Variants in TRMT6 observed in about 807,000 individuals in gnomAD.
TRMT6 encodes the protein tRNA methyltransferase 6 non-catalytic subunit.
Under a neutral mutation model 59.0 loss-of-function variants are expected in TRMT6, and 34 were observed. The ratio of observed to expected loss-of-function variants is 0.58; its 90% CI spans 0.44 to 0.77. The LOEUF is 0.77. Ranked by LOEUF, TRMT6 falls within the 30% of genes least tolerant of loss-of-function variation. The pLI, the probability that TRMT6 is intolerant of heterozygous loss-of-function variation, is 0.00. For missense variants in TRMT6, 575 were observed against 604.5 expected (o/e 0.95, Z 0.51); for synonymous variants, 217 against 210.5 (o/e 1.03, Z -0.27).
At chr20:5,944,300 A>T (rs111352845) in intron 3 of TRMT6, 47 bp from the exon 4 acceptor site, 2 of 1,199,024 alleles carry the variant, frequency 1.7e-6, no homozygotes, top group African/African-American at 1.6e-5. Context: ...TACTTTCACA[A>T]AACAAGTAAT....
Position 5,944,904 on chromosome 20 carries a change from T to C in TRMT6, c.267A>G (p.Glu89=). 6.2e-7 allele frequency: 1 copy of C among 1,611,948 alleles called. No individual in the cohort carries two copies. Reference sequence around the variant, plus strand: ...CTATATTTCGATTATCAGTGCCCGCTTCTTTAGTCTCTAAGGAAAGAAATT... The same window carrying C: ...CTATATTTCGATTATCAGTGCCCGCCTCTTTAGTCTCTAAGGAAAGAAATT... ...KREEPTAETK[E]AGTDNRNIVD... Residue 89 remains glutamate, a synonymous_variant, in exon 3 of 11, where the codon GAA becomes GAG. Coordinates refer to ENST00000203001, the MANE Select transcript of TRMT6 (RefSeq NM_015939.5).
At chr20:5,947,163 G>C (rs2088714963) in intron 1 of TRMT6, among the ~76,000 whole-genome samples, 1 of 152,222 alleles carries the variant, frequency 6.6e-6, no homozygotes, top group Admixed American at 6.5e-5. Flanking sequence ...TCTTGTCCAA[G>C]ATTCACAGTT....
chr20:5,937,754 AAATAT>A lies in TRMT6; in HGVS notation c.*776_*780del, dbSNP rs2088619961. ...TGTATGTATATATCTGTGTATATAT[AAATAT>A]ATGTGTGTATATATACCAACATCTA... On this transcript the variant is annotated 3_prime_UTR_variant, in exon 11 of 11. Transcript: ENST00000203001. The A allele has an allele frequency of 6.6e-6, 1 of 152,236 alleles. No homozygotes were observed. The highest frequency in any genetic ancestry group is 2.4e-5 in the African/African-American group (1 of 41,464). The allele number at this position is 152,236 out of a possible 1,614,324, so 9.4% of individuals were successfully genotyped here.
At chr20:5,944,071 A>T in intron 4 of TRMT6, 40 bp from the exon 5 acceptor site, 2 of 1,464,004 alleles carry the variant, frequency 1.4e-6, no homozygotes, top group Non-Finnish European at 1.8e-6. Context: ...TAAAAAAATG[A>T]CTTAAAATAT....
rs758388588 is a variant in TRMT6, at chr20:5,938,595, T to C, written c.1434A>G (p.Glu478=). 5.6e-6 allele frequency: 9 copies of C among 1,614,260 alleles called. No homozygotes were observed. The Admixed American group carries it at 1.0e-4, about 18-fold the overall frequency. ...CTGCAGGCTCCTCAGTCTCGTGTGA[T>C]TCTAAAGTGCTTGCATTAGATTTGA... ...TSLKSNASTL[E]SHETEEPAAK... is the part of the protein sequence containing the mutation. The change falls in exon 11 of 11, where the codon GAA becomes GAG. Residue 478 remains glutamate, a synonymous_variant. Transcript: ENST00000203001.
At chr20:5,941,529 G>A (rs962858572) in intron 8 of TRMT6, 184 bp from the exon 9 acceptor site, 7 of 594,302 alleles carry the variant, frequency 1.2e-5, no homozygotes, top group Admixed American at 3.0e-5. Context: ...TAGGAAACGC[G>A]AACTAGGTTA....
At position 5,944,183 on chromosome 20, in the gene TRMT6, T is replaced by C; in HGVS notation, c.437A>G (p.Tyr146Cys). The change falls in exon 4 of 11, where the codon TAT becomes TGT. Residue 146 changes from tyrosine (Y) to cysteine (C), a missense_variant. Coordinates refer to ENST00000203001, the MANE Select transcript of TRMT6 (RefSeq NM_015939.5). Reference sequence around the variant, plus strand: ...TTACTTTTTTTTCTTCTTTTTAATATATTTATCTTGGGCAAATTCTGTCTT... The same window carrying C: ...TTACTTTTTTTTCTTCTTTTTAATACATTTATCTTGGGCAAATTCTGTCTT... ...RDKTEFAQDK[Y>C]IKKKKKKYEA... is the part of the protein sequence containing the mutation. 6.4e-7 allele frequency: 1 copy of C among 1,550,780 alleles called. No individual in the cohort carries two copies. Among genetic ancestry groups the C allele is most frequent in the Non-Finnish European group, 8.7e-7 (1 of 1,144,984 alleles).
chr20:5,944,170 CT>C lies in TRMT6; in HGVS notation c.449del (p.Lys150ArgfsTer12). On this transcript the variant is annotated frameshift_variant, in exon 4 of 11. Transcript: ENST00000203001. LOFTEE classifies it high-confidence loss of function. The part of the protein sequence containing the change: ...EFAQDKYIKK[K>X]KKKYEAIITV... ...AAATAAAAACTACTTACTTTTTTTT[CT>C]TCTTTTTAATATATTTATCTTGGGC... 1 of 1,498,952 alleles carries C rather than the reference CT, an allele frequency of 6.7e-7. No individual in the cohort carries two copies. The highest frequency in any genetic ancestry group is 9.0e-7 in the Non-Finnish European group (1 of 1,113,770). The allele number at this position is 1,498,952 out of a possible 1,614,324, so 92.9% of individuals were successfully genotyped here.
chr20:5,949,947 T>C (rs1308843962), intron 1 of TRMT6, among the ~76,000 whole-genome samples: 4 of 151,860 alleles, frequency 2.6e-5, no homozygotes, highest in East Asian at 3.9e-4. Flanking sequence ...GAGGGAGGCA[T>C]TGGCACCCTA....
chr20:5,949,392 G>C (rs944820754), intron 1 of TRMT6, among the ~76,000 whole-genome samples: 7 of 152,036 alleles, frequency 4.6e-5, no homozygotes, highest in Non-Finnish European at 8.8e-5. Flanking sequence ...GTATTTCTCA[G>C]ATAAATTAAT....
chr20:5,941,227 T>G lies in TRMT6; in HGVS notation c.1215+16A>C, dbSNP rs1337552658. On this transcript the variant is annotated intron_variant, in intron 9 of 10. Coordinates refer to ENST00000203001, the MANE Select transcript of TRMT6 (RefSeq NM_015939.5). ...TTCAGACATAAGAATTCCTGCCCATTCCATTCCAGTATTACCTCTTTGTAC... is the reference window on the plus strand; with the variant it reads ...TTCAGACATAAGAATTCCTGCCCATGCCATTCCAGTATTACCTCTTTGTAC... 2 of 1,611,158 alleles carry G rather than the reference T, an allele frequency of 1.2e-6. No homozygotes were observed. Among genetic ancestry groups the G allele is most frequent in the Non-Finnish European group, 1.7e-6 (2 of 1,177,406 alleles).
Position 5,942,778 on chromosome 20 carries a change from A to G in TRMT6, c.676T>C (p.Ser226Pro). Reference protein sequence around the residue: ...AMMERMGGFGSIIQLYPGGGP... With the variant: ...AMMERMGGFGPIIQLYPGGGP... ...CCTCCAGGGTATAGCTGAATAATGG[A>G]GCCAAAACCTGAACAGATAAAAGAA... The change falls in exon 7 of 11, where the codon TCC becomes CCC. Residue 226 changes from serine (S) to proline (P), a missense_variant. By Grantham distance (74) the Ser-to-Pro change is moderately conservative. Transcript: ENST00000203001. 1 of 1,611,994 alleles carries G rather than the reference A, an allele frequency of 6.2e-7. No homozygotes were observed. Among genetic ancestry groups the G allele is most frequent in the Non-Finnish European group, 8.5e-7 (1 of 1,179,112 alleles).
At chr20:5,948,703 G>C (rs1263657470) in intron 1 of TRMT6, among the ~76,000 whole-genome samples, 1 of 151,544 alleles carries the variant, frequency 6.6e-6, no homozygotes, top group Non-Finnish European at 1.5e-5. Context: ...GTTTAAAAAA[G>C]AAAAAAAAGA....
rs1445104213 is a variant in TRMT6 at position 5,938,133 on chromosome 20, T to C, written c.*402A>G. On this transcript the variant is annotated 3_prime_UTR_variant, in exon 11 of 11. Transcript: ENST00000203001. ...ATTGCTTAGGTTGAAGAGAACGGAA[T>C]GAACAGAGGAAATTTCTTCCATGAA... is the stretch of plus-strand genomic sequence containing the variant. 6.3e-6 allele frequency: 1 copy of C among 158,800 alleles called. No individual in the cohort carries two copies. Among genetic ancestry groups the C allele is most frequent in the Non-Finnish European group, 1.4e-5 (1 of 72,272 alleles). 9.8% of individuals were successfully genotyped at this position (158,800 alleles called of 1,614,324 possible).
At chr20:5,940,429 T>C (rs2088645914) in intron 10 of TRMT6, among the ~76,000 whole-genome samples, 2 of 152,190 alleles carry the variant, frequency 1.3e-5, no homozygotes, top group African/African-American at 2.4e-5. Flanking sequence ...TCCACAGTGA[T>C]ACTGAGGCCT....
rs762658005 is a variant in TRMT6, at chr20:5,941,158, T to C, written c.1216-19A>G. On this transcript the variant is annotated intron_variant, in intron 9 of 10. Coordinates refer to ENST00000203001, the MANE Select transcript of TRMT6 (RefSeq NM_015939.5). ...ACAGAGGCTGCAGACAACAACAGAA[T>C]TCTGTTAAGAACTACTTCCTGGGAT... 3 of 1,612,818 alleles carry C rather than the reference T, an allele frequency of 1.9e-6. No homozygotes were observed. The Admixed American group carries it at 5.0e-5, about 27-fold the overall frequency.
rs1184787406 is a variant in TRMT6 at position 5,946,412 on chromosome 20, T to G, written c.250A>C (p.Thr84Pro). 1 of 1,614,008 alleles carries G rather than the reference T, an allele frequency of 6.2e-7. No homozygotes were observed. Among genetic ancestry groups the G allele is most frequent in the African/African-American group, 1.3e-5 (1 of 74,926 alleles). The change falls in exon 2 of 11, where the codon ACT becomes CCT. Residue 84 changes from threonine (T) to proline (P), a missense_variant. Thr to Pro is a conservative substitution (Grantham distance 38, BLOSUM62 -1). Transcript: ENST00000203001. ...LQPKKKREEP[T>P]AETKEAGTDN... ...ACGCATCCAAAATGTGCACCTGCAG[T>G]AGGCTCTTCCCTCTTCTTCTTGGGC...
At chr20:5,943,918 A>G in intron 5 of TRMT6, 30 bp downstream of exon 5, 1 of 1,591,190 alleles carries the variant, frequency 6.3e-7, no homozygotes, top group Non-Finnish European at 8.5e-7. Flanking sequence ...ATTTCCCCCA[A>G]TTATACTTTT....
At position 5,942,731 on chromosome 20, in the gene TRMT6, T is replaced by C. The variant is rs148869723; in HGVS notation, c.723A>G (p.Thr241=). 3.7e-6 allele frequency: 6 copies of C among 1,613,892 alleles called. No homozygotes were observed. The African/African-American group carries it at 6.7e-5, about 18-fold the overall frequency. The change falls in exon 7 of 11, where the codon ACA becomes ACG. Residue 241 remains threonine (T), a synonymous_variant. Transcript: ENST00000203001. ...AAGATTTGGGAAATCCAAAACATGCTGTTGCTGCCCGAACAGGTCCTCCTC... is the reference window on the plus strand; with the variant it reads ...AAGATTTGGGAAATCCAAAACATGCCGTTGCTGCCCGAACAGGTCCTCCTC... ...YPGGGPVRAA[T]ACFGFPKSFL...
Sources: allele counts gnomAD v4.1 joint callset (sites outside exome capture counted in the v4.1 genomes callset), GRCh38; gene constraint gnomAD v4.1.1; transcripts MANE v1.5; gene names NCBI Gene and HGNC (gene_info 2026-07-23, HGNC 2026-07-21).